Variants in WDR48 observed in about 807,000 individuals in gnomAD.
The protein encoded by WDR48 is WD repeat domain 48.
Under a neutral mutation model 94.0 loss-of-function variants are expected in WDR48, and 22 were observed. That is an observed-to-expected ratio of 0.23 (90% confidence interval 0.17 to 0.33). The LOEUF (loss-of-function observed/expected upper bound fraction) is 0.33, where lower values mean the gene tolerates loss of function less well. Ranked by LOEUF, WDR48 falls within the 10% of genes least tolerant of loss-of-function variation. WDR48 has a pLI of 1.00. For missense variants in WDR48, 541 were observed against 813.8 expected, an observed-to-expected ratio of 0.66 and a Z score of 4.08; for synonymous variants, 278 against 280.5, an observed-to-expected ratio of 0.99 and a Z score of 0.09.
Position 39,084,172 on chromosome 3 carries a change from T to C in WDR48, c.1191T>C (p.Asp397=). 6.2e-7 allele frequency: 1 copy of C among 1,611,058 alleles called. No homozygotes were observed. The highest frequency in any genetic ancestry group is 2.2e-5 in the East Asian group (1 of 44,730). The change falls in exon 12 of 19, where the codon GAT becomes GAC. Residue 397 remains aspartate, a synonymous_variant. Coordinates refer to ENST00000302313, the MANE Select transcript of WDR48 (RefSeq NM_020839.4). ...WDVLKACKVE[D]LGKVDFEDEI... ...ATGTATAGGCATGTAAAGTTGAAGA[T>C]CTGGGCAAAGTGGATTTTGAAGATG... is the stretch of plus-strand genomic sequence containing the variant.
At chr3:39,087,977 A>C in intron 14 of WDR48, 151 bp from the exon 15 acceptor site, 2 of 653,706 alleles carry the variant, frequency 3.1e-6, no homozygotes. Flanking sequence ...CAGAAATTTA[A>C]CTTGTTTTTA....
intron 16 of WDR48, chr3:39,089,633 T>A (rs2034981699): frequency 5.7e-6 from 1 of 176,680 alleles, no homozygotes; most frequent in South Asian, 1.7e-4. Context: ...GTAACAACTA[T>A]TAATAAATTA....
Position 39,084,683 on chromosome 3 carries a change from T to A in WDR48, c.1320T>A (p.Ala440=). Residue 440 remains alanine, a synonymous_variant, in exon 13 of 19, where the codon GCT becomes GCA. Coordinates refer to ENST00000302313, the MANE Select transcript of WDR48 (RefSeq NM_020839.4). ...TITLDESDCF[A]AWVSAKDAGF... is the part of the protein sequence containing the mutation. ...CTTTGGATGAAAGTGATTGTTTTGC[T>A]GCCTGGGTTTCTGCAAAAGATGCTG... 6.2e-7 allele frequency: 1 copy of A among 1,614,040 alleles called. No individual in the cohort carries two copies. The highest frequency in any genetic ancestry group is 8.5e-7 in the Non-Finnish European group (1 of 1,179,968).
chr3:39,091,295 T>G (rs190197428), intron 16 of WDR48: 96 of 170,270 alleles, frequency 5.6e-4, no homozygotes, highest in Admixed American at 1.2e-3. Context: ...GTTTGGGCCT[T>G]TAGGTATCAA....
At chr3:39,078,110 A>G in intron 9 of WDR48, 27 bp from the exon 10 acceptor site, 1 of 1,540,590 alleles carries the variant, frequency 6.5e-7, no homozygotes, top group Non-Finnish European at 8.9e-7. Flanking sequence ...GCATAACATG[A>G]TCAAATAACA....
intron 1 of WDR48, among the ~76,000 whole-genome samples, chr3:39,054,200 T>G (rs1472633849): frequency 6.6e-6 from 1 of 152,234 alleles, no homozygotes; most frequent in Non-Finnish European, 1.5e-5. Context: ...AAATTAGAGT[T>G]GCCCTCCATG....
At chr3:39,092,906 C>CACA (rs1340352588) in intron 17 of WDR48, among the ~76,000 whole-genome samples, 2 of 151,680 alleles carry the variant, frequency 1.3e-5, no homozygotes, top group Admixed American at 6.6e-5. Flanking sequence ...CACACACACA[C>CACA]AATTATTTTA....
intron 18 of WDR48, chr3:39,094,441 G>A: frequency 2.6e-6 from 4 of 1,530,100 alleles, no homozygotes; most frequent in Non-Finnish European, 3.5e-6. Context: ...AGATGGCCTG[G>A]TGTTTCTGGC....
intron 1 of WDR48, among the ~76,000 whole-genome samples, chr3:39,060,669 C>T (rs2033202109): frequency 6.6e-6 from 1 of 152,176 alleles, no homozygotes; most frequent in African/African-American, 2.4e-5. Context: ...TAAATATTCA[C>T]CTGTCTTTTA....
intron 7 of WDR48, among the ~76,000 whole-genome samples, chr3:39,073,339 C>G (rs1430242620): frequency 6.6e-6 from 1 of 152,138 alleles, no homozygotes; most frequent in East Asian, 1.9e-4. Flanking sequence ...TACTGATGCT[C>G]CTGGCATCTT....
chr3:39,090,049 T>C (rs574405024), intron 16 of WDR48: 106 of 152,358 alleles, frequency 7.0e-4, no homozygotes, highest in African/African-American at 2.5e-3. Context: ...TTTTAAATTT[T>C]GATAGATACT....
At chr3:39,077,043 G>A in intron 8 of WDR48, 96 bp from the exon 9 acceptor site, 1 of 1,370,620 alleles carries the variant, frequency 7.3e-7, no homozygotes, top group Non-Finnish European at 1.0e-6. Flanking sequence ...CACCACAATT[G>A]TTGAATGAAG....
At chr3:39,084,800 T>C in intron 13 of WDR48, 59 bp downstream of exon 13, 1 of 1,438,370 alleles carries the variant, frequency 7.0e-7, no homozygotes. Flanking sequence ...GAATATGAGC[T>C]GTTTTTTGCT....
chr3:39,054,335 TGCATCACAG>T (rs1223482025), intron 1 of WDR48, among the ~76,000 whole-genome samples: 1 of 152,214 alleles, frequency 6.6e-6, no homozygotes, highest in East Asian at 1.9e-4. Context: ...AGCTGTCCTA[TGCATCACAG>T]GTTCTTTGGC....
chr3:39,069,030 C>T (rs937890648), intron 6 of WDR48, among the ~76,000 whole-genome samples, 171 bp downstream of exon 6: 3 of 152,176 alleles, frequency 2.0e-5, no homozygotes, highest in Non-Finnish European at 2.9e-5. Flanking sequence ...GATCCTGGCT[C>T]ACTGCAGCCT....
intron 1 of WDR48, among the ~76,000 whole-genome samples, chr3:39,054,740 G>A (rs1416920785): frequency 6.6e-6 from 1 of 152,200 alleles, no homozygotes; most frequent in Non-Finnish European, 1.5e-5. Flanking sequence ...AAAGAAAAGA[G>A]GCATAATTGG....
rs544618573 is a variant in WDR48, at chr3:39,066,480, T to A, written c.269-68T>A. 12 of 1,298,510 alleles carry A rather than the reference T, an allele frequency of 9.2e-6. No homozygotes were observed. In the East Asian group the frequency reaches 2.6e-4, roughly 28 times the overall value. The allele number at this position is 1,298,510 out of a possible 1,614,324, so 80.4% of individuals were successfully genotyped here. On this transcript the variant is annotated intron_variant, in intron 3 of 18. Transcript: ENST00000302313. ...TTAGTTTGAAATAATGTTACATTGT[T>A]GTAAGATAAGTTTTCAAAGTTTTAA...
chr3:39,072,575 CATT>C (rs2033999044), intron 7 of WDR48, among the ~76,000 whole-genome samples: 1 of 152,214 alleles, frequency 6.6e-6, no homozygotes, highest in African/African-American at 2.4e-5. Flanking sequence ...TTCCTATCTT[CATT>C]GGCAGAAACA....
In WDR48 at chr3:39,066,650, A is replaced by G. The variant is rs371089366; in HGVS notation, c.351+20A>G. On this transcript the variant is annotated intron_variant, in intron 4 of 18. Coordinates refer to ENST00000302313, the MANE Select transcript of WDR48 (RefSeq NM_020839.4). ...CATAAGGTAAAACAATACAGTTCTC[A>G]GTGTCTTTAGTGTAATATTGGGATC... 1.3e-4 allele frequency: 214 copies of G among 1,612,998 alleles called. No homozygotes were observed. In the African/African-American group the frequency reaches 2.4e-3, roughly 18 times the overall value.
Sources: allele counts gnomAD v4.1 joint callset (sites outside exome capture counted in the v4.1 genomes callset), GRCh38; gene constraint gnomAD v4.1.1; transcripts MANE v1.5; gene names NCBI Gene and HGNC (gene_info 2026-07-23, HGNC 2026-07-21).